Variants in ABHD12B observed in about 807,000 individuals in gnomAD.
The protein encoded by ABHD12B is protein ABHD12B.
ABHD12B carries 42 observed loss-of-function variants against 50.4 expected under a neutral mutation model. That is an observed-to-expected ratio of 0.83 (90% CI 0.65 to 1.08). The LOEUF (loss-of-function observed/expected upper bound fraction) is 1.08, where lower values mean the gene tolerates loss of function less well. Among genes scored for constraint, ABHD12B ranks in the 50% least tolerant of loss-of-function variants. The pLI is 0.00. For missense variants in ABHD12B, 479 were observed against 447.7 expected (o/e 1.07, Z -0.63); for synonymous variants, 167 against 160.3 (o/e 1.04, Z -0.32).
At chr14:50,886,026 C>T in intron 7 of ABHD12B, 131 bp downstream of exon 7, 1 of 1,298,964 alleles carries the variant, frequency 7.7e-7, no homozygotes, top group Admixed American at 2.3e-5. Context: ...TTTTCACACA[C>T]TAGAAGTGGC....
intron 1 of ABHD12B, among the ~76,000 whole-genome samples, chr14:50,876,761 C>T (rs762915668): frequency 1.3e-5 from 2 of 152,186 alleles, no homozygotes; most frequent in Non-Finnish European, 2.9e-5. Flanking sequence ...TAATTATCTT[C>T]CAAAAATGCC....
intron 9 of ABHD12B, among the ~76,000 whole-genome samples, chr14:50,901,254 T>C (rs2050257092): frequency 6.6e-6 from 1 of 152,242 alleles, no homozygotes; most frequent in South Asian, 2.1e-4. Flanking sequence ...TAGCTAGCAT[T>C]CTATTTCTTG....
In ABHD12B at chr14:50,877,895, A is replaced by G. The variant is rs578061335; in HGVS notation, c.105-57A>G. The stretch of plus-strand genomic sequence containing the variant: ...AAAAAACAAAGAAAAAGAAAAAAAC[A>G]AACCAAGACAAATGGATTAATTTCG... On this transcript the variant is annotated intron_variant, in intron 1 of 12. Transcript: ENST00000337334. 5.1e-5 allele frequency: 74 copies of G among 1,452,150 alleles called. No homozygotes were observed. The African/African-American group carries it at 9.6e-4, about 19-fold the overall frequency. The allele number at this position is 1,452,150 out of a possible 1,614,324, so 90.0% of individuals were successfully genotyped here. A position where few individuals can be genotyped will look rare whatever the true frequency, so the allele number is the denominator to read the frequency against.
At position 50,901,860 on chromosome 14, in the gene ABHD12B, C is replaced by T. The variant is rs762163875; in HGVS notation, c.812C>T (p.Thr271Ile). Residue 271 changes from threonine to isoleucine, a missense_variant, in exon 10 of 13, where the codon ACA becomes ATA. Thr to Ile is a moderately conservative substitution (Grantham distance 89). Transcript: ENST00000337334. ...IYRNIPGFLR[T>I]LMDALRKDKI... Reference sequence around the variant, plus strand: ...CGGAACATTCCAGGATTTTTACGTACACTTATGGATGCCCTGAGAAAAGAC... The same window carrying T: ...CGGAACATTCCAGGATTTTTACGTATACTTATGGATGCCCTGAGAAAAGAC... 6.3e-7 allele frequency: 1 copy of T among 1,591,782 alleles called. No homozygotes were observed. Among genetic ancestry groups the T allele is most frequent in the Admixed American group, 1.9e-5 (1 of 52,528 alleles).
intron 9 of ABHD12B, among the ~76,000 whole-genome samples, chr14:50,901,256 T>C (rs760730716): frequency 6.6e-6 from 1 of 152,256 alleles, no homozygotes; most frequent in Non-Finnish European, 1.5e-5. Flanking sequence ...GCTAGCATTC[T>C]ATTTCTTGGA....
chr14:50,883,972 C>T (rs937748549), intron 5 of ABHD12B, among the ~76,000 whole-genome samples: 26 of 151,800 alleles, frequency 1.7e-4, no homozygotes, highest in African/African-American at 6.3e-4. Context: ...TCTATATATA[C>T]GTTTAGGTTG....
At chr14:50,896,978 TTATTTC>T (rs545903427) in intron 9 of ABHD12B, among the ~76,000 whole-genome samples, 128 of 152,276 alleles carry the variant, frequency 8.4e-4, no homozygotes, top group African/African-American at 2.9e-3. Flanking sequence ...GTGGAATGGT[TTATTTC>T]TATTTTAGTA....
At chr14:50,886,455 AAAAG>A (rs1314786338) in intron 7 of ABHD12B, among the ~76,000 whole-genome samples, 188 bp from the exon 8 acceptor site, 171 of 151,536 alleles carry the variant, frequency 1.1e-3, no homozygotes, top group African/African-American at 3.6e-3. Context: ...AAAAAAAAAA[AAAAG>A]AAAGAAAGAA....
intron 4 of ABHD12B, 115 bp from the exon 5 acceptor site, chr14:50,881,481 T>C: frequency 8.9e-7 from 1 of 1,122,822 alleles, no homozygotes; most frequent in East Asian, 2.5e-5. Context: ...TCCTCCAACC[T>C]GAAAGAGAAA....
intron 9 of ABHD12B, chr14:50,892,474 G>C (rs913501945): frequency 1.0e-6 from 1 of 985,320 alleles, no homozygotes; most frequent in African/African-American, 1.7e-5. Flanking sequence ...AAGGTAGGCA[G>C]TGGAGGAGGG....
In ABHD12B at chr14:50,904,282, A is replaced by G. The variant is rs558904451; in HGVS notation, c.1062-57A>G. On this transcript the variant is annotated intron_variant, in intron 12 of 12. Coordinates refer to ENST00000337334, the MANE Select transcript of ABHD12B (RefSeq NM_001206673.2). Reference sequence around the variant, plus strand: ...AGGCCACAACATGAAAATGTATAATATTTTGCTTATTTAGGTAGGGAAAGG... The same window carrying G: ...AGGCCACAACATGAAAATGTATAATGTTTTGCTTATTTAGGTAGGGAAAGG... 3.5e-5 allele frequency: 56 copies of G among 1,613,856 alleles called. 1 individual carries two copies. In the Middle Eastern group the frequency reaches 8.3e-4, roughly 24 times the overall value.
rs1287523806 is a variant in ABHD12B, at chr14:50,880,476, G to T, written c.360G>T (p.Gly120=). 1.2e-6 allele frequency: 2 copies of T among 1,609,744 alleles called. No individual in the cohort carries two copies. Among genetic ancestry groups the T allele is most frequent in the Admixed American group, 1.7e-5 (1 of 59,374 alleles). Residue 120 remains glycine (G), a synonymous_variant, in exon 4 of 13, where the codon GGG becomes GGT. Transcript: ENST00000337334. ...GIWHTVPSCR[G]EDAKGKDCCW... is the part of the protein sequence containing the mutation. ...GGCACACAGTCCCCAGCTGCCGGGG[G>T]GAAGATGCCAAGGGGAAGGACTGTT...
At chr14:50,885,681 CAAAG>C in intron 6 of ABHD12B, 22 bp downstream of exon 6, 1 of 1,614,096 alleles carries the variant, frequency 6.2e-7, no homozygotes, top group Non-Finnish European at 8.5e-7. Flanking sequence ...GAACGGTGTA[CAAAG>C]ATGTTTCAGT....
At chr14:50,898,192 ACTCT>A (rs1185079174) in intron 9 of ABHD12B, among the ~76,000 whole-genome samples, 1 of 152,094 alleles carries the variant, frequency 6.6e-6, no homozygotes, top group Non-Finnish European at 1.5e-5. Flanking sequence ...CCTCACAGCA[ACTCT>A]CTGAGTTTGT....
intron 3 of ABHD12B, among the ~76,000 whole-genome samples, chr14:50,879,423 G>A (rs1566484375): frequency 6.6e-6 from 1 of 152,196 alleles, no homozygotes; most frequent in Non-Finnish European, 1.5e-5. Context: ...CTTTGTTGGT[G>A]GGTTTTCATT....
rs1253959223 is a variant in ABHD12B, at chr14:50,872,169, C to T, written c.-6C>T. On this transcript the variant is annotated 5_prime_UTR_variant, in exon 1 of 13. Transcript: ENST00000337334. ...GCGGTGGCGGCGTATCGGGACACGGCGCGGGATGGACGCGCAGGACTGCCA... is the reference window on the plus strand; with the variant it reads ...GCGGTGGCGGCGTATCGGGACACGGTGCGGGATGGACGCGCAGGACTGCCA... 1.5e-6 allele frequency: 2 copies of T among 1,328,052 alleles called. No homozygotes were observed. The highest frequency in any genetic ancestry group is 1.9e-6 in the Non-Finnish European group (2 of 1,037,790). 82.3% of individuals were successfully genotyped at this position (1,328,052 alleles called of 1,614,324 possible). A position where few individuals can be genotyped will look rare whatever the true frequency, so the allele number is the denominator to read the frequency against.
intron 9 of ABHD12B, chr14:50,892,307 T>C: frequency 1.7e-6 from 1 of 580,392 alleles, no homozygotes; most frequent in South Asian, 7.7e-5. Context: ...TGAGGAAATG[T>C]TCTTCAGGAA....
Position 50,872,307 on chromosome 14 carries a change from G to C in ABHD12B, c.104+29G>C, listed in dbSNP as rs889492213. On this transcript the variant is annotated intron_variant, in intron 1 of 12. Transcript: ENST00000337334. ...AGTACCGCCCGGTCCACCCCTGGCC[G>C]GGCCCCGACGGCTCAGGCTGCGCGG... The C allele has an allele frequency of 2.7e-5, 34 of 1,257,048 alleles. No individual in the cohort carries two copies. In the African/African-American group the frequency reaches 4.5e-4, roughly 17 times the overall value. 77.9% of individuals were successfully genotyped at this position (1,257,048 alleles called of 1,614,324 possible). A position where few individuals can be genotyped will look rare whatever the true frequency, so the allele number is the denominator to read the frequency against.
chr14:50,888,794 G>GATTT (rs763831593), intron 8 of ABHD12B, 30 bp from the exon 9 acceptor site: 5 of 1,592,018 alleles, frequency 3.1e-6, no homozygotes, highest in Middle Eastern at 3.3e-4. Flanking sequence ...GGGAGTTACT[G>GATTT]ATTTCTTTCT....
Sources: allele counts gnomAD v4.1 joint callset (sites outside exome capture counted in the v4.1 genomes callset), GRCh38; gene constraint gnomAD v4.1.1; transcripts MANE v1.5; gene names NCBI Gene and HGNC (gene_info 2026-07-23, HGNC 2026-07-21).